GNAZ: variants seen among roughly 807,000 people sequenced by gnomAD.
GNAZ encodes guanine nucleotide-binding protein G(z) subunit alpha.
GNAZ carries 3 observed loss-of-function variants against 25.4 expected under a neutral mutation model. The ratio of observed to expected loss-of-function variants is 0.12; its 90% CI spans 0.05 to 0.30. The LOEUF (loss-of-function observed/expected upper bound fraction) is 0.30. Ranked by LOEUF, GNAZ falls within the 10% of genes least tolerant of loss-of-function variation. The pLI is 1.00. For synonymous variants in GNAZ, 211 were observed against 205.7 expected (o/e 1.03, Z -0.22); for missense variants, 241 against 501.8 (o/e 0.48, Z 4.97).
chr22:23,077,207 T>G (rs569548838), intron 1 of GNAZ, among the ~76,000 whole-genome samples: 1 of 152,236 alleles, frequency 6.6e-6, no homozygotes, highest in East Asian at 1.9e-4. Context: ...CTATCTCTCC[T>G]TACATGCCCC....
chr22:23,071,093 G>T lies in GNAZ; in HGVS notation c.-450+523G>T, dbSNP rs1386686706. Among the ~76,000 whole-genome samples the T allele has an allele frequency of 6.6e-6, 1 of 152,222 alleles. No homozygotes were observed. The highest frequency in any genetic ancestry group is 1.5e-5 in the Non-Finnish European group (1 of 68,026). ...CGCAGACGGACAGCTAGCAGTTCTC[G>T]GTCACTGCTCTTGCAGCGAGCAGGT... On this transcript the variant is annotated intron_variant, in intron 1 of 2. Coordinates refer to ENST00000615612, the MANE Select transcript of GNAZ (RefSeq NM_002073.4). This position sits in a 1 kb window ranked among gnomAD's most constrained non-coding sequence, Gnocchi z 4.1.
rs533799876 is a variant in GNAZ, at chr22:23,100,886, G to A, written c.723+4468G>A. ...CCCTGAGGAGGGGCTGCCCAAGGCC[G>A]TCCTGTGAACACAGCGTGTTCCTGC... is the stretch of plus-strand genomic sequence containing the variant. On this transcript the variant is annotated intron_variant, in intron 2 of 2. Coordinates refer to ENST00000615612, the MANE Select transcript of GNAZ (RefSeq NM_002073.4). Among the ~76,000 whole-genome samples the A allele has an allele frequency of 1.3e-5, 2 of 152,220 alleles. 1 individual carries two copies. Among genetic ancestry groups the A allele is most frequent in the Admixed American group, 1.3e-4 (2 of 15,284 alleles).
chr22:23,097,870 T>TCAC (rs1299603181), intron 2 of GNAZ, among the ~76,000 whole-genome samples: 1 of 152,228 alleles, frequency 6.6e-6, no homozygotes, highest in Non-Finnish European at 1.5e-5. Flanking sequence ...GCCACTGGCC[T>TCAC]CACCCATCAC....
At chr22:23,077,882 T>C (rs2068549831) in intron 1 of GNAZ, among the ~76,000 whole-genome samples, 1 of 152,186 alleles carries the variant, frequency 6.6e-6, no homozygotes, top group African/African-American at 2.4e-5. Flanking sequence ...CTACTCCTCT[T>C]GCACCCCCAC....
chr22:23,090,992 G>A (rs898530396), intron 1 of GNAZ, among the ~76,000 whole-genome samples: 5 of 152,154 alleles, frequency 3.3e-5, no homozygotes, highest in South Asian at 2.1e-4. Context: ...TGCCCCAGTC[G>A]CCTCAGCCTA....
At chr22:23,079,355 T>C (rs1358085877) in intron 1 of GNAZ, among the ~76,000 whole-genome samples, 1 of 152,212 alleles carries the variant, frequency 6.6e-6, no homozygotes, top group Non-Finnish European at 1.5e-5. Context: ...CTTGGCTTTC[T>C]GGACAAAGAG....
At chr22:23,110,149 C>T (rs769069923) in intron 2 of GNAZ, among the ~76,000 whole-genome samples, 9 of 152,150 alleles carry the variant, frequency 5.9e-5, no homozygotes, top group Non-Finnish European at 8.8e-5. Flanking sequence ...AGGGGTGGTT[C>T]GGGCTGTCTG....
In GNAZ at chr22:23,095,641, A is replaced by G. The variant is rs2069102251; in HGVS notation, c.-55A>G. Reference sequence around the variant, plus strand: ...CCTGGTCTCAGTGTCCCCTGTGGCAAGAGGGAGAGGTGCCCCATCCCGTGC... The same window carrying G: ...CCTGGTCTCAGTGTCCCCTGTGGCAGGAGGGAGAGGTGCCCCATCCCGTGC... On this transcript the variant is annotated 5_prime_UTR_variant, in exon 2 of 3. Coordinates refer to ENST00000615612, the MANE Select transcript of GNAZ (RefSeq NM_002073.4). The G allele has an allele frequency of 6.5e-7, 1 of 1,541,664 alleles. No homozygotes were observed. Among genetic ancestry groups the G allele is most frequent in the Admixed American group, 2.0e-5 (1 of 51,066 alleles).
rs373235454 is a variant in GNAZ at position 23,108,152 on chromosome 22, A to G, written c.723+11734A>G. Among the ~76,000 whole-genome samples the G allele has an allele frequency of 4.7e-4, 72 of 152,328 alleles. 1 individual carries two copies. The East Asian group carries it at 0.01, about 22-fold the overall frequency. On this transcript the variant is annotated intron_variant, in intron 2 of 2. Transcript: ENST00000615612. ...CACACAGGTGGGGAGCAGCCAGGCA[A>G]TCCCAACCCCTGCCCCTGTACACAG...
chr22:23,112,345 C>A (rs557831681), intron 2 of GNAZ, among the ~76,000 whole-genome samples: 17 of 152,228 alleles, frequency 1.1e-4, no homozygotes, highest in Non-Finnish European at 2.1e-4. Flanking sequence ...CCAGTGCTCA[C>A]CAGGCCGTTT....
intron 2 of GNAZ, among the ~76,000 whole-genome samples, chr22:23,107,948 G>A (rs2069531585): frequency 1.3e-5 from 2 of 152,178 alleles, no homozygotes; most frequent in South Asian, 4.1e-4. Context: ...CTGCGGGGGA[G>A]GAAGGCCCAG....
At chr22:23,080,817 T>A (rs565028797) in intron 1 of GNAZ, among the ~76,000 whole-genome samples, 1 of 152,352 alleles carries the variant, frequency 6.6e-6, no homozygotes, top group South Asian at 2.1e-4. Context: ...TGAGGAAATC[T>A]TGGCGCGCAA....
chr22:23,084,447 C>T (rs1002610212), intron 1 of GNAZ, among the ~76,000 whole-genome samples: 13 of 152,098 alleles, frequency 8.5e-5, no homozygotes, highest in African/African-American at 3.1e-4. Context: ...GGGAAGTCAA[C>T]ACATTTTCAA....
rs529341865 is a variant in GNAZ, at chr22:23,086,767, T to C, written c.-449-8480T>C. ...GAAATGCAGTCATGGGGCTGCAGCATCTGTGGAGCCCACTTCCCACTGGGT... is the reference window on the plus strand; with the variant it reads ...GAAATGCAGTCATGGGGCTGCAGCACCTGTGGAGCCCACTTCCCACTGGGT... On this transcript the variant is annotated intron_variant, in intron 1 of 2. Coordinates refer to ENST00000615612, the MANE Select transcript of GNAZ (RefSeq NM_002073.4). Among the ~76,000 whole-genome samples the C allele has an allele frequency of 1.5e-3, 228 of 152,302 alleles. 2 individuals carry two copies. The highest frequency in any genetic ancestry group is 5.2e-3 in the African/African-American group (216 of 41,558).
intron 2 of GNAZ, among the ~76,000 whole-genome samples, chr22:23,099,345 C>T (rs1451842153): frequency 6.6e-6 from 1 of 152,252 alleles, no homozygotes; most frequent in Non-Finnish European, 1.5e-5. Flanking sequence ...TTCCCACCCT[C>T]GTCCGAAGGA....
chr22:23,114,484 G>A (rs1326448302), intron 2 of GNAZ, among the ~76,000 whole-genome samples: 1 of 151,806 alleles, frequency 6.6e-6, no homozygotes, highest in Non-Finnish European at 1.5e-5. Flanking sequence ...TCAGCCCCCA[G>A]AGGTCCAGTC....
intron 2 of GNAZ, 89 bp downstream of exon 2, chr22:23,096,507 C>A: frequency 7.3e-7 from 1 of 1,372,078 alleles, no homozygotes; most frequent in Non-Finnish European, 9.9e-7. Flanking sequence ...GGACAGTCTG[C>A]AGCCAGAAAG....
rs1004311790 is a variant in GNAZ at position 23,117,780 on chromosome 22, G to A, written c.724-5307G>A. On this transcript the variant is annotated intron_variant, in intron 2 of 2. Transcript: ENST00000615612. ...ACTTGTCCAAGGTGCAGCATGCACC[G>A]GCAGTGAGTAAACCCCAGACCCTGT... 1.1e-4 allele frequency among the ~76,000 whole-genome samples: 16 copies of A among 152,220 alleles called. 1 individual carries two copies. Among genetic ancestry groups the A allele is most frequent in the South Asian group, 2.1e-4 (1 of 4,834 alleles).
intron 2 of GNAZ, among the ~76,000 whole-genome samples, chr22:23,100,397 G>A (rs1418950585): frequency 6.6e-6 from 1 of 152,266 alleles, no homozygotes; most frequent in Admixed American, 6.5e-5. Flanking sequence ...GAGGCCTGGT[G>A]TCTCTGCCAC....
Sources: gnomAD v4.1 joint callset for allele counts (sites outside exome capture counted in the v4.1 genomes callset) on GRCh38, gnomAD v4.1.1 for gene constraint, Gnocchi (gnomAD v3.1) non-coding constraint, MANE v1.5 for transcripts, NCBI Gene and HGNC (gene_info 2026-07-23, HGNC 2026-07-21) for gene names.